OPCML: variants seen among roughly 807,000 people sequenced by gnomAD.
The protein encoded by OPCML is opioid-binding protein/cell adhesion molecule.
Under a neutral mutation model 37.8 loss-of-function variants are expected in OPCML, and 13 were observed. The observed-to-expected ratio is 0.34, with a 90% confidence interval of 0.22 to 0.55. The LOEUF (loss-of-function observed/expected upper bound fraction) is 0.55. Among genes scored for constraint, OPCML ranks in the 20% least tolerant of loss-of-function variants. The probability of loss-of-function intolerance (pLI) is 0.91; values close to 1 mark genes in which losing one functional copy is unlikely to be tolerated. For missense variants in OPCML, 341 were observed against 435.6 expected, an observed-to-expected ratio of 0.78 and a Z score of 1.93; for synonymous variants, 176 against 168.8, an observed-to-expected ratio of 1.04 and a Z score of -0.33.
chr11:132,559,605 CAAATT>C (rs1345461664), intron 3 of OPCML, among the ~76,000 whole-genome samples: 2 of 151,818 alleles, frequency 1.3e-5, no homozygotes, highest in African/African-American at 4.8e-5. Flanking sequence ...TTATGAGAAA[CAAATT>C]AATAAAAATG....
At chr11:133,191,936 C>T (rs1435666077) in intron 1 of OPCML, among the ~76,000 whole-genome samples, 9 of 152,240 alleles carry the variant, frequency 5.9e-5, no homozygotes, top group Admixed American at 5.2e-4. Context: ...TTGTCTCTAA[C>T]CCAAAATATA....
chr11:132,984,885 G>A (rs904049376), intron 1 of OPCML, among the ~76,000 whole-genome samples: 3 of 152,096 alleles, frequency 2.0e-5, no homozygotes, highest in African/African-American at 4.8e-5. Flanking sequence ...CTGGAGTTAC[G>A]CGTGGTGTAT....
chr11:133,500,102 C>A (rs1947880139), intron 1 of OPCML, among the ~76,000 whole-genome samples: 1 of 151,980 alleles, frequency 6.6e-6, no homozygotes, highest in Non-Finnish European at 1.5e-5. Context: ...GAACTCCTGA[C>A]CTCATGATCC....
chr11:132,981,810 C>T (rs924731007), intron 1 of OPCML, among the ~76,000 whole-genome samples: 1 of 152,298 alleles, frequency 6.6e-6, no homozygotes, highest in East Asian at 1.9e-4. Flanking sequence ...TCCAAACCAA[C>T]AGAATGAAGA....
chr11:133,023,849 T>A (rs917577642), intron 1 of OPCML, among the ~76,000 whole-genome samples: 1 of 152,172 alleles, frequency 6.6e-6, no homozygotes, highest in Non-Finnish European at 1.5e-5. Context: ...ATTAGCTTGG[T>A]TTGCCTGCTT....
At chr11:132,751,813 G>A (rs1218766415) in intron 2 of OPCML, among the ~76,000 whole-genome samples, 1 of 152,210 alleles carries the variant, frequency 6.6e-6, no homozygotes, top group Non-Finnish European at 1.5e-5. Context: ...GGCTATGTGT[G>A]TGAAAGAAAA....
At chr11:132,762,406 C>A (rs1946295382) in intron 2 of OPCML, among the ~76,000 whole-genome samples, 1 of 152,190 alleles carries the variant, frequency 6.6e-6, no homozygotes, top group Non-Finnish European at 1.5e-5. Flanking sequence ...TGAAGCTGCA[C>A]CCATAGCTGC....
intron 1 of OPCML, among the ~76,000 whole-genome samples, chr11:133,315,792 C>G (rs768586374): frequency 6.6e-6 from 1 of 152,124 alleles, no homozygotes; most frequent in Non-Finnish European, 1.5e-5. Context: ...GAGCAAAACT[C>G]CATCCCAGGG....
chr11:132,651,112 C>T (rs942367829), intron 3 of OPCML, among the ~76,000 whole-genome samples: 3 of 152,180 alleles, frequency 2.0e-5, no homozygotes, highest in Non-Finnish European at 4.4e-5. Context: ...ATTGTCACCT[C>T]AGGGCCCACC....
At chr11:133,390,185 G>T (rs1592257957) in intron 1 of OPCML, among the ~76,000 whole-genome samples, 2 of 152,206 alleles carry the variant, frequency 1.3e-5, no homozygotes, top group East Asian at 1.9e-4. Context: ...CAGGCCGAAC[G>T]CGGTGGCTCA....
At chr11:133,249,826 A>C (rs1343913567) in intron 1 of OPCML, among the ~76,000 whole-genome samples, 1 of 152,168 alleles carries the variant, frequency 6.6e-6, no homozygotes, top group Admixed American at 6.5e-5. Context: ...AATTTTTCCA[A>C]ATACAATGCT....
At chr11:133,003,825 G>T (rs1947055888) in intron 1 of OPCML, 1 of 985,280 alleles carries the variant, frequency 1.0e-6, no homozygotes, top group South Asian at 4.7e-5. Context: ...TCTCCAAACA[G>T]CGGATAAATG....
intron 1 of OPCML, among the ~76,000 whole-genome samples, chr11:133,254,343 C>T (rs1392157664): frequency 1.3e-5 from 2 of 152,176 alleles, no homozygotes; most frequent in Admixed American, 1.3e-4. Context: ...AGCTACAGAA[C>T]ATGCATCCCA....
At chr11:132,747,295 G>A (rs1010927222) in intron 2 of OPCML, among the ~76,000 whole-genome samples, 4 of 152,166 alleles carry the variant, frequency 2.6e-5, no homozygotes, top group African/African-American at 9.7e-5. Context: ...ATAGGAAGCA[G>A]TGAAAGTCAT....
intron 3 of OPCML, among the ~76,000 whole-genome samples, chr11:132,552,055 C>T (rs1171897459): frequency 6.6e-6 from 1 of 152,132 alleles, no homozygotes; most frequent in Non-Finnish European, 1.5e-5. Flanking sequence ...CACTTGTTCG[C>T]AAATGTGAGT....
intron 1 of OPCML, among the ~76,000 whole-genome samples, chr11:133,234,996 C>A (rs915871451): frequency 6.6e-6 from 1 of 152,100 alleles, no homozygotes; most frequent in Non-Finnish European, 1.5e-5. Flanking sequence ...GTATTAACTG[C>A]GGCTGCAGAC....
At chr11:133,457,152 A>G (rs934292091) in intron 1 of OPCML, among the ~76,000 whole-genome samples, 2 of 152,206 alleles carry the variant, frequency 1.3e-5, no homozygotes, top group Non-Finnish European at 2.9e-5. Context: ...AGGACAGACT[A>G]TAAGTGGATT....
At chr11:133,215,201 A>AGT (rs1176460893) in intron 1 of OPCML, among the ~76,000 whole-genome samples, 6 of 144,908 alleles carry the variant, frequency 4.1e-5, no homozygotes, top group Non-Finnish European at 4.4e-5. Context: ...AGAGAGAGAG[A>AGT]GAGAGTGTGT....
intron 1 of OPCML, among the ~76,000 whole-genome samples, chr11:133,234,684 C>T (rs1224717371): frequency 6.6e-6 from 1 of 152,236 alleles, no homozygotes; most frequent in Non-Finnish European, 1.5e-5. Flanking sequence ...TTGAATCACT[C>T]TTCAGCCTTC....
Sources: gnomAD v4.1 joint callset for allele counts (sites outside exome capture counted in the v4.1 genomes callset) on GRCh38, gnomAD v4.1.1 for gene constraint, MANE v1.5 for transcripts, NCBI Gene and HGNC (gene_info 2026-07-23, HGNC 2026-07-21) for gene names.